OR2L13: variants seen among roughly 807,000 people sequenced by gnomAD.
OR2L13 encodes olfactory receptor family 2 subfamily L member 13.
OR2L13 carries 14 observed loss-of-function variants against 15.3 expected under a neutral mutation model. The observed-to-expected ratio is 0.91, with a 90% CI of 0.60 to 1.43. OR2L13 has a LOEUF of 1.43. Among genes scored for constraint, OR2L13 ranks in the 40% most tolerant of loss-of-function variants. The pLI, the probability that OR2L13 is intolerant of heterozygous loss-of-function variation, is 0.00. For synonymous variants in OR2L13, 152 were observed against 142.9 expected (o/e 1.06, Z -0.45); for missense variants, 367 against 387.9 (o/e 0.95, Z 0.45).
chr1:247,946,277 G>T, the OR2L13 span, among the ~76,000 whole-genome samples: 1 of 152,100 alleles, frequency 6.6e-6, no homozygotes, highest in South Asian at 2.1e-4. Context: ...TATGCAAACA[G>T]AAATAATTTT....
At chr1:247,994,286 G>A in the OR2L13 span, among the ~76,000 whole-genome samples, 127 of 152,196 alleles carry the variant, frequency 8.3e-4, no homozygotes, top group South Asian at 8.5e-3. Flanking sequence ...AGTCCCGGCT[G>A]CTTGAGAGGC....
the OR2L13 span, chr1:248,002,990 T>C: frequency 7.7e-4 from 453 of 588,014 alleles, 4 homozygotes; most frequent in South Asian, 8.5e-3. Flanking sequence ...GGCCTTTTCT[T>C]TGGTTGGTAG....
the OR2L13 span, chr1:248,047,015 A>G: frequency 6.6e-6 from 1 of 152,190 alleles, no homozygotes; most frequent in Admixed American, 6.5e-5. Flanking sequence ...TTTCTATAAC[A>G]CCATTCAGCA....
the OR2L13 span, chr1:248,003,794 C>T: frequency 0.063 from 98,737 of 1,578,232 alleles, 3,596 homozygotes; most frequent in African/African-American, 0.31. Flanking sequence ...CCGGGTTCTC[C>T]TTGCTGTCTA....
the OR2L13 span, among the ~76,000 whole-genome samples, chr1:248,066,195 C>T: frequency 2.6e-5 from 4 of 152,116 alleles, no homozygotes; most frequent in African/African-American, 9.7e-5. Flanking sequence ...TTGCTTTGAC[C>T]ATTTATTTGG....
the OR2L13 span, chr1:248,038,438 T>C: frequency 1.8e-5 from 29 of 1,613,674 alleles, no homozygotes; most frequent in Admixed American, 4.2e-4. Flanking sequence ...TCCACACACC[T>C]ATGTATTTCC....
chr1:248,049,030 T>G, the OR2L13 span, among the ~76,000 whole-genome samples: 1 of 151,978 alleles, frequency 6.6e-6, no homozygotes, highest in Non-Finnish European at 1.5e-5. Context: ...ATTTTTTCTT[T>G]GAGAATAGCT....
chr1:248,051,483 A>C, the OR2L13 span, among the ~76,000 whole-genome samples: 1 of 152,208 alleles, frequency 6.6e-6, no homozygotes, highest in Non-Finnish European at 1.5e-5. Context: ...TGATGCAAAA[A>C]CAGAATAACA....
the OR2L13 span, among the ~76,000 whole-genome samples, chr1:248,077,986 G>T: frequency 1.3e-5 from 2 of 151,958 alleles, no homozygotes; most frequent in African/African-American, 4.8e-5. Context: ...GACATTAAGA[G>T]GCATCTTATC....
exon 3 of OR2L13, chr1:248,100,012 A>C (rs749931463): frequency 2.5e-6 from 4 of 1,614,146 alleles, no homozygotes; most frequent in Non-Finnish European, 3.4e-6. Flanking sequence ...TTTCATTGGC[A>C]TCACTTCTTC....
the OR2L13 span, chr1:247,990,511 A>C: frequency 5.1e-6 from 8 of 1,575,878 alleles, no homozygotes; most frequent in Non-Finnish European, 7.0e-6. Context: ...AAGATGGTTT[A>C]TGATTTTTCT....
At chr1:248,075,548 A>C in the OR2L13 span, among the ~76,000 whole-genome samples, 1 of 152,152 alleles carries the variant, frequency 6.6e-6, no homozygotes, top group Non-Finnish European at 1.5e-5. Context: ...TGCCATTCTA[A>C]CTGGCGTGAG....
At chr1:248,072,561 G>A in the OR2L13 span, among the ~76,000 whole-genome samples, 3 of 151,960 alleles carry the variant, frequency 2.0e-5, no homozygotes, top group Admixed American at 1.3e-4. Context: ...CAGGACATAG[G>A]CATGGGCAAG....
At chr1:248,073,002 A>T in the OR2L13 span, among the ~76,000 whole-genome samples, 1 of 40,084 alleles carries the variant, frequency 2.5e-5, no homozygotes. Context: ...ATGTGGAGAA[A>T]TAGGAACACT....
chr1:248,007,945 G>C, the OR2L13 span, among the ~76,000 whole-genome samples: 6 of 152,110 alleles, frequency 3.9e-5, no homozygotes, highest in Admixed American at 6.6e-5. Context: ...GGAATGAGTG[G>C]TGTACCATCC....
chr1:247,994,202 C>T, the OR2L13 span, among the ~76,000 whole-genome samples: 10 of 152,230 alleles, frequency 6.6e-5, no homozygotes, highest in East Asian at 1.7e-3. Flanking sequence ...CGAGACCATC[C>T]TGGCTAACAC....
chr1:247,945,270 G>C, the OR2L13 span, among the ~76,000 whole-genome samples: 1 of 152,022 alleles, frequency 6.6e-6, no homozygotes. Context: ...ATTTACCCAG[G>C]AGTCACTCAG....
At chr1:248,060,731 T>C in the OR2L13 span, 2 of 1,614,092 alleles carry the variant, frequency 1.2e-6, no homozygotes, top group South Asian at 1.1e-5. Flanking sequence ...TTAGGATTCT[T>C]CCCACCATCA....
At chr1:247,991,149 G>A in the OR2L13 span, 1 of 1,606,472 alleles carries the variant, frequency 6.2e-7, no homozygotes, top group Non-Finnish European at 8.5e-7. Flanking sequence ...TGAGAAACAA[G>A]GAGGTGATGG....
Sources: allele counts gnomAD v4.1 joint callset (sites outside exome capture counted in the v4.1 genomes callset), GRCh38; gene constraint gnomAD v4.1.1; transcripts MANE v1.5; gene names NCBI Gene and HGNC (gene_info 2026-07-23, HGNC 2026-07-21).